The following ACBD6 variants were observed in gnomAD, a reference collection of about 807,000 sequenced individuals.
ACBD6 encodes the protein acyl-CoA binding domain containing 6.
In ACBD6, 28 loss-of-function variants were observed where a neutral mutation model predicts 37.2. That is an observed-to-expected ratio of 0.75 (90% CI 0.56 to 1.03). The LOEUF (loss-of-function observed/expected upper bound fraction) is 1.03. Among genes scored for constraint, ACBD6 ranks in the 50% least tolerant of loss-of-function variants. The probability of loss-of-function intolerance (pLI) is 0.00; values close to 1 mark genes in which losing one functional copy is unlikely to be tolerated. For synonymous variants in ACBD6, 113 were observed against 126.8 expected (o/e 0.89, Z 0.73); for missense variants, 340 against 337.4 (o/e 1.01, Z -0.06).
chr1:180,399,470 A>T (rs924633661), intron 5 of ACBD6, among the ~76,000 whole-genome samples: 3 of 152,228 alleles, frequency 2.0e-5, no homozygotes, highest in South Asian at 2.1e-4. Context: ...GGGTTTCACC[A>T]TGTTGGCCAG....
intron 4 of ACBD6, among the ~76,000 whole-genome samples, chr1:180,418,772 A>G (rs1338681661): frequency 2.0e-5 from 3 of 152,212 alleles, no homozygotes; most frequent in Admixed American, 1.3e-4. Context: ...ACCAAAGACA[A>G]CAAATGAGAA....
chr1:180,341,764 TAAGAA>T (rs910535010), intron 6 of ACBD6, among the ~76,000 whole-genome samples: 3 of 152,106 alleles, frequency 2.0e-5, no homozygotes, highest in Non-Finnish European at 4.4e-5. Context: ...TACTTTGTAA[TAAGAA>T]AAAGTTACAG....
intron 1 of ACBD6, among the ~76,000 whole-genome samples, chr1:180,497,232 C>T (rs1651774312): frequency 6.6e-6 from 1 of 152,174 alleles, no homozygotes; most frequent in Non-Finnish European, 1.5e-5. Context: ...TCCATTTCTC[C>T]TATAGTAACA....
chr1:180,395,679 T>C (rs1433435445), intron 6 of ACBD6, among the ~76,000 whole-genome samples: 5 of 152,132 alleles, frequency 3.3e-5, no homozygotes, highest in South Asian at 2.1e-4. Flanking sequence ...GCGGAGAAAT[T>C]TGAATATCTG....
Position 180,309,838 on chromosome 1 carries a change from G to C in ACBD6, c.694+4854C>G, listed in dbSNP as rs1650519794. On this transcript the variant is annotated intron_variant, in intron 7 of 7. Transcript: ENST00000367595. Reference sequence around the variant, plus strand: ...ATCCCAGATTGCCATCATAGCTGTGGGGGTGGCTGAGACAAATTTTTTTCT... The same window carrying C: ...ATCCCAGATTGCCATCATAGCTGTGCGGGTGGCTGAGACAAATTTTTTTCT... 1.3e-5 allele frequency among the ~76,000 whole-genome samples: 2 copies of C among 152,182 alleles called. 1 individual carries two copies. Among genetic ancestry groups the C allele is most frequent in the East Asian group, 3.8e-4 (2 of 5,204 alleles).
rs776854900 is a variant in ACBD6, at chr1:180,502,170, T to G, written c.97A>C (p.Ser33Arg). The G allele has an allele frequency of 2.5e-6, 4 of 1,613,998 alleles. No individual in the cohort carries two copies. In the African/African-American group the frequency reaches 5.3e-5, roughly 22 times the overall value. The change falls in exon 1 of 8, where the codon AGC becomes CGC. Residue 33 changes from serine to arginine, a missense_variant. Transcript: ENST00000367595. ...DDSGEVEFPH[S>R]PEIEETSCLA... ...CAACTGGTCTCCTCGATCTCAGGGC[T>G]ATGGGGGAACTCCACCTCCCCGGAG...
intron 7 of ACBD6, among the ~76,000 whole-genome samples, chr1:180,312,113 C>A (rs1319752842): frequency 4.6e-5 from 7 of 152,178 alleles, no homozygotes; most frequent in Admixed American, 3.3e-4. Flanking sequence ...TTAAATTCCA[C>A]AAAGTATCTG....
At chr1:180,408,522 G>A (rs1647721167) in intron 5 of ACBD6, among the ~76,000 whole-genome samples, 1 of 152,070 alleles carries the variant, frequency 6.6e-6, no homozygotes, top group East Asian at 1.9e-4. Context: ...ACTGTTGTGG[G>A]GTGAGGGGAG....
chr1:180,287,758 G>C (rs1649551296), downstream of ACBD6, among the ~76,000 whole-genome samples: 2 of 151,998 alleles, frequency 1.3e-5, no homozygotes, highest in South Asian at 4.2e-4. Flanking sequence ...TGAAAACAGA[G>C]TACTATTCTA....
intron 1 of ACBD6, among the ~76,000 whole-genome samples, chr1:180,496,010 A>G (rs1651724793): frequency 6.6e-6 from 1 of 152,276 alleles, no homozygotes; most frequent in East Asian, 1.9e-4. Flanking sequence ...TACTACTTTT[A>G]AAGTACCCTA....
At chr1:180,284,511 T>C (rs1477629689), downstream of ACBD6, among the ~76,000 whole-genome samples, 1 of 151,980 alleles carries the variant, frequency 6.6e-6, no homozygotes, top group Non-Finnish European at 1.5e-5. Context: ...CTTACAGGCA[T>C]GCGCCACCAT....
intron 3 of ACBD6, among the ~76,000 whole-genome samples, chr1:180,430,605 G>A (rs1350859464): frequency 6.6e-6 from 1 of 151,564 alleles, no homozygotes; most frequent in Non-Finnish European, 1.5e-5. Context: ...AGACATGAAT[G>A]TGATCAGCAA....
intron 9 of ACBD6, among the ~76,000 whole-genome samples, chr1:180,280,757 G>A (rs1649283271): frequency 6.6e-6 from 1 of 152,182 alleles, no homozygotes; most frequent in South Asian, 2.1e-4. Context: ...AATACAGAAG[G>A]TGCTGTACAT....
chr1:180,481,822 G>T (rs572525395), intron 3 of ACBD6, among the ~76,000 whole-genome samples: 167 of 152,262 alleles, frequency 1.1e-3, no homozygotes, highest in Non-Finnish European at 1.8e-3. Flanking sequence ...AATAATCTAG[G>T]TATCCTCTAT....
chr1:180,325,261 C>A (rs1571361509), intron 6 of ACBD6, among the ~76,000 whole-genome samples: 1 of 152,056 alleles, frequency 6.6e-6, no homozygotes, highest in Non-Finnish European at 1.5e-5. Context: ...TTTTCTAGAT[C>A]TTTTAAGTGT....
chr1:180,369,152 C>T (rs1224113010), intron 6 of ACBD6, among the ~76,000 whole-genome samples: 1 of 152,212 alleles, frequency 6.6e-6, no homozygotes, highest in Non-Finnish European at 1.5e-5. Flanking sequence ...AGGCAGGCCT[C>T]CCCCAACATT....
At chr1:180,439,033 T>C (rs1443774176) in intron 3 of ACBD6, among the ~76,000 whole-genome samples, 1 of 152,204 alleles carries the variant, frequency 6.6e-6, no homozygotes, top group African/African-American at 2.4e-5. Context: ...ATGCAGCCTT[T>C]TCAGATTGGC....
chr1:180,490,244 G>A (rs985462776), intron 3 of ACBD6, among the ~76,000 whole-genome samples: 6 of 152,186 alleles, frequency 3.9e-5, no homozygotes, highest in African/African-American at 1.4e-4. Flanking sequence ...TTTGAGCACT[G>A]ATTTTCAGAT....
At chr1:180,413,940 C>T (rs142336969) in intron 4 of ACBD6, among the ~76,000 whole-genome samples, 45 of 152,180 alleles carry the variant, frequency 3.0e-4, no homozygotes, top group African/African-American at 9.4e-4. Context: ...AAAAAGGAGA[C>T]GTTAAATGAC....
Sources: allele counts gnomAD v4.1 joint callset (sites outside exome capture counted in the v4.1 genomes callset), GRCh38; gene constraint gnomAD v4.1.1; transcripts MANE v1.5; gene names NCBI Gene and HGNC (gene_info 2026-07-23, HGNC 2026-07-21).